ERVW-1: variants seen among roughly 807,000 people sequenced by gnomAD.
ERVW-1 encodes the protein syncytin-1.
A neutral mutation model predicts 16.6 loss-of-function variants in ERVW-1; 21 were observed. The observed-to-expected ratio is 1.26, with a 90% CI of 0.90 to 1.82. The LOEUF is 1.82. Among genes scored for constraint, ERVW-1 ranks in the 40% most tolerant of loss-of-function variants. ERVW-1 has a pLI of 0.00. For synonymous variants in ERVW-1, 161 were observed against 109.8 expected (o/e 1.47, Z -2.92); for missense variants, 412 against 300.2 (o/e 1.37, Z -2.75).
chr7:92,474,381 T>A (rs1433154570), intron 1 of ERVW-1, among the ~76,000 whole-genome samples: 1 of 152,198 alleles, frequency 6.6e-6, no homozygotes, highest in African/African-American at 2.4e-5. Flanking sequence ...CCTCCCTTAG[T>A]CTCTCCAGAA....
Position 92,469,783 on chromosome 7 carries a change from A to G in ERVW-1, c.599T>C (p.Ile200Thr), listed in dbSNP as rs1243751320. The G allele has an allele frequency of 1.3e-6, 1 of 764,874 alleles. No individual in the cohort carries two copies. Among genetic ancestry groups the G allele is most frequent in the Non-Finnish European group, 2.4e-6 (1 of 417,364 alleles). 47.4% of individuals were successfully genotyped at this position (764,874 alleles called of 1,614,324 possible). ...LPLNFRPYVS[I>T]PVPEQWNNFS... ...GTTGTTCCATTGTTCAGGTACAGGG[A>G]TTGAAACATATGGCCTGAAGTTCAG... The change falls in exon 2 of 2, where the codon ATC becomes ACC. Residue 200 changes from isoleucine (I) to threonine (T), a missense_variant. Physicochemically the swap from Ile to Thr is moderately conservative, Grantham distance 89. Coordinates refer to ENST00000603053, the MANE Select transcript of ERVW-1 (RefSeq NM_001130925.2).
rs534021735 is a variant in ERVW-1 at position 92,469,845 on chromosome 7, C to G, written c.537G>C (p.Ser179=). The part of the protein sequence containing the change: ...NTTLTGLHEV[S]AQNPTNCWIC... ...TCCAACAGTTAGTAGGGTTTTGGGC[C>G]GAGACCTCATGGAGCCCAGTGAGGG... The change falls in exon 2 of 2, where the codon TCG becomes TCC. Residue 179 remains serine (S), a synonymous_variant. Coordinates refer to ENST00000603053, the MANE Select transcript of ERVW-1 (RefSeq NM_001130925.2). 6.5e-6 allele frequency: 5 copies of G among 773,388 alleles called. No individual in the cohort carries two copies. The East Asian group carries it at 1.2e-4, about 19-fold the overall frequency. 47.9% of individuals were successfully genotyped at this position (773,388 alleles called of 1,614,324 possible).
rs754127752 is a variant in ERVW-1 at position 92,468,852 on chromosome 7, A to G, written c.1530T>C (p.Ser510=). The change falls in exon 2 of 2, where the codon TCT becomes TCC. Residue 510 remains serine (S), a synonymous_variant. Coordinates refer to ENST00000603053, the MANE Select transcript of ERVW-1 (RefSeq NM_001130925.2). ...RPLDRPASPR[S]DVNDIKGTPP... is the part of the protein sequence containing the mutation. ...GGGTGCCTTTGATGTCATTAACATC[A>G]GATCGTGGGCTAGCAGGCCGGTCCA... The G allele has an allele frequency of 2.1e-5, 16 of 764,362 alleles. No individual in the cohort carries two copies. The highest frequency in any genetic ancestry group is 2.6e-5 in the Non-Finnish European group (11 of 417,852). The allele number at this position is 764,362 out of a possible 1,614,324, so 47.3% of individuals were successfully genotyped here.
At chr7:92,476,475 G>A (rs748332150) in intron 1 of ERVW-1, among the ~76,000 whole-genome samples, 1 of 152,214 alleles carries the variant, frequency 6.6e-6, no homozygotes, top group Non-Finnish European at 1.5e-5. Context: ...GTGGATTGGA[G>A]TGCTATAGGG....
chr7:92,475,806 C>T (rs1230524067), intron 1 of ERVW-1, among the ~76,000 whole-genome samples: 4 of 152,174 alleles, frequency 2.6e-5, no homozygotes, highest in Non-Finnish European at 5.9e-5. Context: ...CCAGCTGCCC[C>T]ATCAAGATGC....
At chr7:92,477,156 C>T (rs971852929) in intron 1 of ERVW-1, among the ~76,000 whole-genome samples, 1 of 152,120 alleles carries the variant, frequency 6.6e-6, no homozygotes, top group Admixed American at 6.5e-5. Context: ...CCTCGGCTTC[C>T]CCAAGAAAAC....
chr7:92,472,393 A>C (rs1298611302), intron 1 of ERVW-1: 1 of 152,204 alleles, frequency 6.6e-6, no homozygotes, highest in Non-Finnish European at 1.5e-5. Flanking sequence ...ACCCGTAAAC[A>C]ATGAGGTCAA....
At chr7:92,474,618 C>G (rs1790467940) in intron 1 of ERVW-1, 1 of 152,166 alleles carries the variant, frequency 6.6e-6, no homozygotes. Flanking sequence ...TATCATTGAC[C>G]TGACTGAGAT....
chr7:92,472,056 A>C (rs1198768626), intron 1 of ERVW-1: 1 of 152,182 alleles, frequency 6.6e-6, no homozygotes, highest in Non-Finnish European at 1.5e-5. Context: ...ATCAGTATAC[A>C]AGTTGAGGTC....
intron 1 of ERVW-1, chr7:92,472,640 T>C (rs1207182892): frequency 1.3e-5 from 2 of 152,240 alleles, no homozygotes; most frequent in African/African-American, 2.4e-5. Flanking sequence ...CCTTAATTAG[T>C]GTATTTAATG....
At chr7:92,474,168 C>T (rs905202782) in intron 1 of ERVW-1, among the ~76,000 whole-genome samples, 2 of 152,068 alleles carry the variant, frequency 1.3e-5, no homozygotes, top group African/African-American at 4.8e-5. Context: ...CCCGTTTGTC[C>T]TGTTCCGCCT....
rs2115934332 is a variant in ERVW-1, at chr7:92,468,696, C to T, written c.*69G>A. On this transcript the variant is annotated 3_prime_UTR_variant, in exon 2 of 2. Transcript: ENST00000603053. Reference sequence around the variant, plus strand: ...AGTCAGCCTAGGAAATCCAGCTAGTCCTGTCTCTCAGTCCCCCATCTCAAC... The same window carrying T: ...AGTCAGCCTAGGAAATCCAGCTAGTTCTGTCTCTCAGTCCCCCATCTCAAC... 1.5e-6 allele frequency: 1 copy of T among 658,028 alleles called. No homozygotes were observed. The highest frequency in any genetic ancestry group is 4.3e-4 in the Middle Eastern group (1 of 2,312). 40.8% of individuals were successfully genotyped at this position (658,028 alleles called of 1,614,324 possible). A position where few individuals can be genotyped will look rare whatever the true frequency, so the allele number is the denominator to read the frequency against.
intron 1 of ERVW-1, chr7:92,472,554 G>C (rs184877053): frequency 3.2e-4 from 49 of 152,326 alleles, no homozygotes; most frequent in African/African-American, 1.2e-3. Flanking sequence ...TAACACTGGG[G>C]CTTGGGTTAG....
At position 92,469,802 on chromosome 7, in the gene ERVW-1, A is replaced by C; in HGVS notation, c.580T>G (p.Phe194Val). 2 of 767,028 alleles carry C rather than the reference A, an allele frequency of 2.6e-6. No individual in the cohort carries two copies. Among genetic ancestry groups the C allele is most frequent in the Non-Finnish European group, 4.8e-6 (2 of 417,468 alleles). 47.5% of individuals were successfully genotyped at this position (767,028 alleles called of 1,614,324 possible). Residue 194 changes from phenylalanine (F) to valine (V), a missense_variant, in exon 2 of 2, where the codon TTC (phenylalanine) becomes GTC (valine). Transcript: ENST00000603053. ...TNCWICLPLN[F>V]RPYVSIPVPE... is the part of the protein sequence containing the mutation. ...ACAGGGATTGAAACATATGGCCTGA[A>C]GTTCAGGGGGAGGCATATCCAACAG...
At chr7:92,472,472 T>C (rs1241281823) in intron 1 of ERVW-1, 1 of 152,248 alleles carries the variant, frequency 6.6e-6, no homozygotes, top group Non-Finnish European at 1.5e-5. Context: ...CTCGGATCTG[T>C]GTAAGGACTC....
chr7:92,473,779 AC>A (rs1790437642), intron 1 of ERVW-1, among the ~76,000 whole-genome samples: 1 of 151,880 alleles, frequency 6.6e-6, no homozygotes, highest in Admixed American at 6.6e-5. Flanking sequence ...GACTAAGAAG[AC>A]CGCACCAGTG....
At chr7:92,475,998 TC>T (rs911182052) in intron 1 of ERVW-1, among the ~76,000 whole-genome samples, 6 of 152,028 alleles carry the variant, frequency 3.9e-5, no homozygotes, top group African/African-American at 1.2e-4. Flanking sequence ...TCCACAAGAG[TC>T]CCCGTATCAA....
chr7:92,475,400 T>C (rs1585194154), intron 1 of ERVW-1: 1 of 152,346 alleles, frequency 6.6e-6, no homozygotes, highest in Non-Finnish European at 1.5e-5. Context: ...GCTTATTCTT[T>C]CCAGGGTGCA....
At chr7:92,474,350 G>A (rs1221245920) in intron 1 of ERVW-1, among the ~76,000 whole-genome samples, 1 of 152,188 alleles carries the variant, frequency 6.6e-6, no homozygotes, top group Non-Finnish European at 1.5e-5. Context: ...TCAGGTGACA[G>A]AGAGGCACGC....
Sources: gnomAD v4.1 joint callset for allele counts (sites outside exome capture counted in the v4.1 genomes callset) on GRCh38, gnomAD v4.1.1 for gene constraint, MANE v1.5 for transcripts, NCBI Gene and HGNC (gene_info 2026-07-23, HGNC 2026-07-21) for gene names.